The following KCNIP4 variants were observed in gnomAD, a reference collection of about 807,000 sequenced individuals.
KCNIP4 encodes Kv channel-interacting protein 4.
KCNIP4 carries 12 observed loss-of-function variants against 34.0 expected under a neutral mutation model. The observed-to-expected ratio is 0.35, with a 90% CI of 0.23 to 0.57. KCNIP4 has a LOEUF of 0.57. Among genes scored for constraint, KCNIP4 ranks in the 20% least tolerant of loss-of-function variants. The pLI is 0.83. For missense variants in KCNIP4, 238 were observed against 311.7 expected (o/e 0.76, Z 1.78); for synonymous variants, 124 against 102.2 (o/e 1.21, Z -1.29).
chr4:21,044,497 A>T (rs1167623583), intron 1 of KCNIP4, among the ~76,000 whole-genome samples: 1 of 152,072 alleles, frequency 6.6e-6, no homozygotes, highest in Non-Finnish European at 1.5e-5. Flanking sequence ...TTTTTAGTAG[A>T]GACAGGGTTT....
chr4:21,891,902 G>A (rs954930677), intron 1 of KCNIP4, among the ~76,000 whole-genome samples: 3 of 151,960 alleles, frequency 2.0e-5, no homozygotes. Flanking sequence ...CTCTTTTTCA[G>A]AACGGTTTTG....
chr4:21,455,810 TATATATATATATA>T (rs1560422770), intron 1 of KCNIP4, among the ~76,000 whole-genome samples: 4,465 of 67,942 alleles, frequency 0.066, 459 homozygotes, highest in East Asian at 0.2. Context: ...CAGATATTCA[TATATATATATATA>T]TATATATATA....
chr4:21,838,583 C>A (rs1432172405), intron 1 of KCNIP4, among the ~76,000 whole-genome samples: 3 of 152,150 alleles, frequency 2.0e-5, no homozygotes, highest in Non-Finnish European at 4.4e-5. Flanking sequence ...AATGCTATGA[C>A]CACACAACAC....
intron 1 of KCNIP4, among the ~76,000 whole-genome samples, chr4:21,008,143 T>A (rs961516395): frequency 6.6e-6 from 1 of 152,202 alleles, no homozygotes; most frequent in Non-Finnish European, 1.5e-5. Flanking sequence ...AATCTGTTGA[T>A]TTTTTCCAGC....
rs985672888 is a variant in KCNIP4 at position 21,885,935 on chromosome 4, G to A, written c.61+62636C>T. ...CCGCTCTTAAAAGGCAGATCTATCG[G>A]CTTGTGTCTTCTATTACGCCTGCAG... On this transcript the variant is annotated intron_variant, in intron 1 of 8. Coordinates refer to ENST00000382152, the MANE Select transcript of KCNIP4 (RefSeq NM_025221.6). 2.0e-5 allele frequency among the ~76,000 whole-genome samples: 3 copies of A among 152,088 alleles called. No homozygotes were observed. In the East Asian group the frequency reaches 5.8e-4, roughly 29 times the overall value.
intron 1 of KCNIP4, among the ~76,000 whole-genome samples, chr4:21,722,610 A>G (rs1714896493): frequency 6.6e-6 from 1 of 152,118 alleles, no homozygotes; most frequent in Admixed American, 6.6e-5. Flanking sequence ...AACCACTAGA[A>G]TTTTCAATTG....
intron 1 of KCNIP4, among the ~76,000 whole-genome samples, chr4:21,584,767 A>T (rs895990295): frequency 6.6e-6 from 1 of 152,206 alleles, no homozygotes; most frequent in East Asian, 1.9e-4. Context: ...TGCTGGAATA[A>T]AAACTTGGAA....
intron 1 of KCNIP4, among the ~76,000 whole-genome samples, chr4:21,587,041 T>G (rs990063775): frequency 6.6e-6 from 1 of 152,054 alleles, no homozygotes; most frequent in Non-Finnish European, 1.5e-5. Flanking sequence ...CTCAAGAAGG[T>G]TGAAGTTATT....
At chr4:21,222,385 T>C (rs920805215) in intron 1 of KCNIP4, among the ~76,000 whole-genome samples, 1 of 152,166 alleles carries the variant, frequency 6.6e-6, no homozygotes, top group African/African-American at 2.4e-5. Flanking sequence ...AGGTCCAGTA[T>C]ACATTGTCAT....
chr4:21,034,366 C>T lies in KCNIP4; in HGVS notation c.62-151657G>A, dbSNP rs542563605. Among the ~76,000 whole-genome samples, 4 of 152,282 alleles carry T rather than the reference C, an allele frequency of 2.6e-5. No homozygotes were observed. The South Asian group carries it at 6.2e-4, about 24-fold the overall frequency. On this transcript the variant is annotated intron_variant, in intron 1 of 8. Coordinates refer to ENST00000382152, the MANE Select transcript of KCNIP4 (RefSeq NM_025221.6). ...TAGCTGTATGGAAGGATGTAGTTTG[C>T]TTCTTAAATAACCCAAGCTGTGTTG...
intron 1 of KCNIP4, among the ~76,000 whole-genome samples, chr4:21,708,564 T>A (rs1014764149): frequency 4.6e-5 from 7 of 152,126 alleles, no homozygotes; most frequent in Admixed American, 3.9e-4. Flanking sequence ...TATGGCTCTA[T>A]AAACTCCCAA....
At chr4:21,384,909 A>G (rs2322960) in intron 1 of KCNIP4, among the ~76,000 whole-genome samples, 7,177 of 152,300 alleles carry the variant, frequency 0.047, 425 homozygotes, top group African/African-American at 0.13. Context: ...CTATATATTT[A>G]CAACATAATT....
intron 1 of KCNIP4, among the ~76,000 whole-genome samples, chr4:21,137,205 G>A (rs1440220878): frequency 3.9e-5 from 6 of 152,250 alleles, no homozygotes; most frequent in African/African-American, 1.2e-4. Context: ...TGTGGTACCC[G>A]ACGACACCAC....
chr4:20,946,874 A>G (rs6448000), intron 1 of KCNIP4, among the ~76,000 whole-genome samples: 30,631 of 152,086 alleles, frequency 0.2, 3,704 homozygotes, highest in East Asian at 0.49. Context: ...TTAATTGCAG[A>G]TTGTTACAGT....
At chr4:21,094,716 T>C (rs971214555) in intron 1 of KCNIP4, among the ~76,000 whole-genome samples, 7 of 152,206 alleles carry the variant, frequency 4.6e-5, no homozygotes, top group African/African-American at 1.7e-4. Context: ...TCTTTTCTTG[T>C]ATCACTTGCT....
At chr4:21,194,454 C>T (rs1041740651) in intron 1 of KCNIP4, among the ~76,000 whole-genome samples, 1 of 152,128 alleles carries the variant, frequency 6.6e-6, no homozygotes, top group African/African-American at 2.4e-5. Flanking sequence ...AGGAATCAAC[C>T]TCTATCTTAA....
chr4:21,448,671 A>G (rs1361303252), intron 1 of KCNIP4, among the ~76,000 whole-genome samples: 1 of 152,160 alleles, frequency 6.6e-6, no homozygotes, highest in Non-Finnish European at 1.5e-5. Flanking sequence ...ATTCAGTATC[A>G]GAAAACTGTG....
chr4:21,064,813 G>A (rs1744212569), intron 1 of KCNIP4, among the ~76,000 whole-genome samples: 2 of 151,992 alleles, frequency 1.3e-5, no homozygotes, highest in South Asian at 4.1e-4. Context: ...AAAAATGGCG[G>A]TATATGTGAA....
chr4:20,985,764 G>C lies in KCNIP4; in HGVS notation c.62-103055C>G, dbSNP rs146356139. ...TACAGTGGGAAAACAAGGAGGGAAAGTCAACTCTAATTGGGAAAGGGTTTA... is the reference window on the plus strand; with the variant it reads ...TACAGTGGGAAAACAAGGAGGGAAACTCAACTCTAATTGGGAAAGGGTTTA... On this transcript the variant is annotated intron_variant, in intron 1 of 8. Transcript: ENST00000382152. Among the ~76,000 whole-genome samples, 614 of 152,258 alleles carry C rather than the reference G, an allele frequency of 4.0e-3. 4 individuals carry two copies. Among genetic ancestry groups the C allele is most frequent in the East Asian group, 0.037 (192 of 5,166 alleles).
Sources: gnomAD v4.1 joint callset for allele counts (sites outside exome capture counted in the v4.1 genomes callset) on GRCh38, gnomAD v4.1.1 for gene constraint, MANE v1.5 for transcripts, NCBI Gene and HGNC (gene_info 2026-07-23, HGNC 2026-07-21) for gene names.